TASP1: variants seen among roughly 807,000 people sequenced by gnomAD.
TASP1 encodes the protein threonine aspartase 1.
TASP1 carries 16 observed loss-of-function variants against 56.6 expected under a neutral mutation model. That is an observed-to-expected ratio of 0.28 (90% CI 0.19 to 0.43). The LOEUF is 0.43. Among genes scored for constraint, TASP1 ranks in the 20% least tolerant of loss-of-function variants. The pLI is 1.00. For missense variants in TASP1, 393 were observed against 511.6 expected, an observed-to-expected ratio of 0.77 and a Z score of 2.24; for synonymous variants, 179 against 184.2, an observed-to-expected ratio of 0.97 and a Z score of 0.23.
chr20:13,593,153 T>C (rs2047596454), intron 4 of TASP1, among the ~76,000 whole-genome samples: 1 of 152,118 alleles, frequency 6.6e-6, no homozygotes, highest in African/African-American at 2.4e-5. Flanking sequence ...TTAATTAACT[T>C]AAAAATGATA....
At chr20:13,576,366 AAAG>A (rs1475479972) in intron 6 of TASP1, among the ~76,000 whole-genome samples, 1 of 121,412 alleles carries the variant, frequency 8.2e-6, no homozygotes, top group African/African-American at 2.9e-5. Flanking sequence ...AGAAAGAAAG[AAAG>A]AAAGAAAGAA....
the TASP1 span, among the ~76,000 whole-genome samples, chr20:13,353,348 T>C: frequency 6.6e-6 from 1 of 152,192 alleles, no homozygotes. Context: ...TCTTGTGCCT[T>C]GTCTCCATCC....
chr20:13,552,627 T>TG (rs1192624434), intron 8 of TASP1, among the ~76,000 whole-genome samples: 1 of 152,082 alleles, frequency 6.6e-6, no homozygotes, highest in African/African-American at 2.4e-5. Flanking sequence ...AAAGGAAGAC[T>TG]GGCAGCTATG....
the TASP1 span, among the ~76,000 whole-genome samples, chr20:13,298,689 A>T: frequency 6.6e-6 from 1 of 152,180 alleles, no homozygotes; most frequent in African/African-American, 2.4e-5. Flanking sequence ...AAAGTGGGGC[A>T]TTTGGAGGAA....
chr20:13,386,282 A>G (rs1191152319), downstream of TASP1, among the ~76,000 whole-genome samples: 1 of 152,202 alleles, frequency 6.6e-6, no homozygotes, highest in Non-Finnish European at 1.5e-5. Context: ...CCATTTTGGG[A>G]GTTCAATATA....
At chr20:13,549,884 G>A (rs2045922167) in intron 8 of TASP1, among the ~76,000 whole-genome samples, 3 of 152,022 alleles carry the variant, frequency 2.0e-5, no homozygotes, top group Non-Finnish European at 4.4e-5. Flanking sequence ...TTACAAGGCC[G>A]ACAATATCTG....
intron 6 of TASP1, among the ~76,000 whole-genome samples, chr20:13,573,664 TGA>T (rs2046795857): frequency 6.6e-6 from 1 of 152,142 alleles, no homozygotes; most frequent in Admixed American, 6.5e-5. Flanking sequence ...TCCAGGTATG[TGA>T]GAGATTTTTC....
chr20:13,585,420 T>A (rs1289748964), intron 5 of TASP1, among the ~76,000 whole-genome samples: 1 of 152,158 alleles, frequency 6.6e-6, no homozygotes, highest in Non-Finnish European at 1.5e-5. Flanking sequence ...AACCATAGAC[T>A]GGGAGAAGAT....
chr20:13,325,535 A>C, the TASP1 span, among the ~76,000 whole-genome samples: 1 of 152,148 alleles, frequency 6.6e-6, no homozygotes, highest in East Asian at 1.9e-4. Context: ...CCTTTCCCCA[A>C]CTTGTTTCCT....
the TASP1 span, among the ~76,000 whole-genome samples, chr20:13,305,796 T>C: frequency 1.6e-4 from 25 of 152,248 alleles, no homozygotes; most frequent in Non-Finnish European, 2.6e-4. Flanking sequence ...CAATTCTTGG[T>C]TGAATCCCAC....
At chr20:13,526,440 T>C (rs1455141964) in intron 10 of TASP1, among the ~76,000 whole-genome samples, 1 of 152,194 alleles carries the variant, frequency 6.6e-6, no homozygotes, top group Non-Finnish European at 1.5e-5. Context: ...CACGGGGCCA[T>C]ACTAAATTAT....
At chr20:13,592,532 T>C (rs569525382) in intron 4 of TASP1, among the ~76,000 whole-genome samples, 5 of 152,176 alleles carry the variant, frequency 3.3e-5, no homozygotes, top group African/African-American at 7.2e-5. Flanking sequence ...TATTAGGAGA[T>C]ATTACCAAAA....
chr20:13,510,577 T>TTTTAATTACATGATTAGGTA (rs2044291681), intron 10 of TASP1, among the ~76,000 whole-genome samples: 1 of 152,218 alleles, frequency 6.6e-6, no homozygotes, highest in Non-Finnish European at 1.5e-5. Flanking sequence ...TACATGATTT[T>TTTTAATTACATGATTAGGTA]TTTAACTCTC....
intron 13 of TASP1, among the ~76,000 whole-genome samples, chr20:13,406,445 C>T (rs2041923518): frequency 6.6e-6 from 1 of 152,094 alleles, no homozygotes; most frequent in Admixed American, 6.5e-5. Flanking sequence ...TATTTCTTTT[C>T]CAAGTTTTAT....
At chr20:13,485,006 G>C (rs1020935454) in intron 10 of TASP1, among the ~76,000 whole-genome samples, 3 of 152,152 alleles carry the variant, frequency 2.0e-5, no homozygotes, top group Non-Finnish European at 2.9e-5. Context: ...GGGAAGGATA[G>C]TATTAGGAGA....
At chr20:13,319,015 A>T in the TASP1 span, among the ~76,000 whole-genome samples, 1 of 152,110 alleles carries the variant, frequency 6.6e-6, no homozygotes, top group Non-Finnish European at 1.5e-5. Flanking sequence ...ACCCTAATGA[A>T]CTCTGGGTGA....
chr20:13,418,227 C>G (rs1033954028), intron 12 of TASP1, among the ~76,000 whole-genome samples: 1 of 152,130 alleles, frequency 6.6e-6, no homozygotes, highest in Non-Finnish European at 1.5e-5. Flanking sequence ...TTTCTAAATA[C>G]CATTCTCTAC....
At chr20:13,477,369 G>T (rs2042982627) in intron 11 of TASP1, among the ~76,000 whole-genome samples, 1 of 151,896 alleles carries the variant, frequency 6.6e-6, no homozygotes, top group African/African-American at 2.4e-5. Flanking sequence ...AGGTTTATAA[G>T]ACTAGTAGCT....
intron 4 of TASP1, among the ~76,000 whole-genome samples, chr20:13,606,000 C>T (rs1051164448): frequency 3.9e-5 from 6 of 152,172 alleles, no homozygotes; most frequent in African/African-American, 1.4e-4. Flanking sequence ...CACTGCGATT[C>T]TGAGCACATC....
Sources: gnomAD v4.1 joint callset for allele counts (sites outside exome capture counted in the v4.1 genomes callset) on GRCh38, gnomAD v4.1.1 for gene constraint, MANE v1.5 for transcripts, NCBI Gene and HGNC (gene_info 2026-07-23, HGNC 2026-07-21) for gene names.